ATP9B: variants seen among roughly 807,000 people sequenced by gnomAD.
The protein encoded by ATP9B is ATPase phospholipid transporting 9B, also known as probable phospholipid-transporting ATPase IIB.
In ATP9B, 110 loss-of-function variants were observed where a neutral mutation model predicts 146.1. That is an observed-to-expected ratio of 0.75 (90% CI 0.65 to 0.88). The LOEUF is 0.88. Among genes scored for constraint, ATP9B ranks in the 40% least tolerant of loss-of-function variants. The pLI, the probability that ATP9B is intolerant of heterozygous loss-of-function variation, is 0.00. For missense variants in ATP9B, 1,499 were observed against 1,496.4 expected (o/e 1.00, Z -0.03); for synonymous variants, 604 against 569.7 (o/e 1.06, Z -0.86).
intron 12 of ATP9B, among the ~76,000 whole-genome samples, chr18:79,269,317 A>G (rs2096234012): frequency 6.6e-6 from 1 of 152,106 alleles, no homozygotes; most frequent in Non-Finnish European, 1.5e-5. Flanking sequence ...TTCATTTTGT[A>G]TCATCCTCAC....
intron 8 of ATP9B, among the ~76,000 whole-genome samples, chr18:79,178,671 A>G (rs894379023): frequency 6.6e-6 from 1 of 152,050 alleles, no homozygotes; most frequent in African/African-American, 2.4e-5. Flanking sequence ...ATGTGGACTG[A>G]TTTCATATGT....
chr18:79,199,806 A>G (rs1482464286), intron 9 of ATP9B, among the ~76,000 whole-genome samples: 9 of 151,746 alleles, frequency 5.9e-5, no homozygotes, highest in Admixed American at 5.9e-4. Flanking sequence ...ACACACACAC[A>G]TTAGCCTAGG....
At chr18:79,185,927 C>G (rs1447140243) in intron 8 of ATP9B, among the ~76,000 whole-genome samples, 2 of 152,184 alleles carry the variant, frequency 1.3e-5, no homozygotes, top group African/African-American at 2.4e-5. Flanking sequence ...AACCTTTGTC[C>G]ATTCTGTTAT....
chr18:79,242,288 A>G (rs891249525), intron 11 of ATP9B, among the ~76,000 whole-genome samples: 2 of 152,232 alleles, frequency 1.3e-5, no homozygotes, highest in Admixed American at 6.5e-5. Flanking sequence ...GCACTAGCCT[A>G]TAGCACCATA....
In ATP9B at chr18:79,253,535, C is replaced by T. The variant is rs2145091826; in HGVS notation, c.1262C>T (p.Pro421Leu). Residue 421 changes from proline to leucine, a missense_variant, in exon 12 of 30, where the codon CCC (proline) becomes CTC (leucine). By Grantham distance (98) the Pro-to-Leu change is moderately conservative. Coordinates refer to ENST00000426216, the MANE Select transcript of ATP9B (RefSeq NM_198531.5). ...CTTCTCCTCTTTTCTTACATCATTCCCATAAGGTAAGTTTAAAAATGAAAA... is the reference window on the plus strand; with the variant it reads ...CTTCTCCTCTTTTCTTACATCATTCTCATAAGGTAAGTTTAAAAATGAAAA... Reference protein sequence around the residue: ...RFLLLFSYIIPISLRVNLDMG... With the variant: ...RFLLLFSYIILISLRVNLDMG... 1 of 1,580,538 alleles carries T rather than the reference C, an allele frequency of 6.3e-7. No homozygotes were observed. Among genetic ancestry groups the T allele is most frequent in the Middle Eastern group, 1.7e-4 (1 of 5,910 alleles).
chr18:79,345,651 A>G (rs2096882135), intron 22 of ATP9B, 79 bp downstream of exon 22: 4 of 1,596,894 alleles, frequency 2.5e-6, no homozygotes, highest in Non-Finnish European at 3.4e-6. Context: ...AGTTTGTTCC[A>G]TCTCTAAAAC....
At chr18:79,271,771 G>A (rs1247384637) in intron 12 of ATP9B, among the ~76,000 whole-genome samples, 4 of 152,090 alleles carry the variant, frequency 2.6e-5, no homozygotes, top group African/African-American at 7.2e-5. Flanking sequence ...GGATGGCTGG[G>A]TCAAATGGTA....
chr18:79,341,215 A>C (rs2096856565), intron 19 of ATP9B, among the ~76,000 whole-genome samples: 1 of 149,542 alleles, frequency 6.7e-6, no homozygotes, highest in Admixed American at 6.6e-5. Context: ...GACCTTGTCG[A>C]AGTCTGCATT....
chr18:79,201,077 A>G (rs560676501), intron 9 of ATP9B, among the ~76,000 whole-genome samples: 1 of 152,310 alleles, frequency 6.6e-6, no homozygotes, highest in African/African-American at 2.4e-5. Context: ...CCACTCAAAG[A>G]GAGAAACTTA....
intron 11 of ATP9B, among the ~76,000 whole-genome samples, chr18:79,237,211 C>T (rs2095849409): frequency 7.6e-6 from 1 of 132,036 alleles, no homozygotes; most frequent in African/African-American, 2.9e-5. Context: ...AGTGTCCACA[C>T]CTGCCCCTTC....
At position 79,266,376 on chromosome 18, in the gene ATP9B, T is replaced by A. The variant is rs181437769; in HGVS notation, c.1269-10678T>A. Among the ~76,000 whole-genome samples, 14 of 152,074 alleles carry A rather than the reference T, an allele frequency of 9.2e-5. No homozygotes were observed. In the East Asian group the frequency reaches 2.7e-3, roughly 29 times the overall value. Reference sequence around the variant, plus strand: ...ATTTATTAATCTAGGTGTATTAAATTTTTTCTATATATAATCATATCATCA... The same window carrying A: ...ATTTATTAATCTAGGTGTATTAAATATTTTCTATATATAATCATATCATCA... On this transcript the variant is annotated intron_variant, in intron 12 of 29. Transcript: ENST00000426216.
At position 79,359,408 on chromosome 18, in the gene ATP9B, C is replaced by G. The variant is rs377408016; in HGVS notation, c.2958C>G (p.Asp986Glu). The G allele has an allele frequency of 4.3e-6, 7 of 1,614,060 alleles. No homozygotes were observed. Among genetic ancestry groups the G allele is most frequent in the Non-Finnish European group, 5.9e-6 (7 of 1,179,952 alleles). ...TGTTCTCCTTAGTGCTGGACCAGGACGTGAAGCCAGAGATGGCGATGCTCT... is the reference window on the plus strand; with the variant it reads ...TGTTCTCCTTAGTGCTGGACCAGGAGGTGAAGCCAGAGATGGCGATGCTCT... ...FPVFSLVLDQ[D>E]VKPEMAMLYP... Residue 986 changes from aspartate to glutamate, a missense_variant, in exon 26 of 30, where the codon GAC becomes GAG. Coordinates refer to ENST00000426216, the MANE Select transcript of ATP9B (RefSeq NM_198531.5).
At chr18:79,315,454 C>T (rs1349193188) in intron 15 of ATP9B, among the ~76,000 whole-genome samples, 5 of 152,042 alleles carry the variant, frequency 3.3e-5, no homozygotes, top group Non-Finnish European at 7.4e-5. Context: ...GTTAATAATT[C>T]CATTAAAATA....
In ATP9B at chr18:79,375,308, T is replaced by G. The variant is rs577921166; in HGVS notation, c.3275-86T>G. The G allele has an allele frequency of 3.0e-4, 379 of 1,247,126 alleles. No homozygotes were observed. The highest frequency in any genetic ancestry group is 5.7e-4 in the Middle Eastern group (3 of 5,218). 77.3% of individuals were successfully genotyped at this position (1,247,126 alleles called of 1,614,324 possible). ...TGCCATTTTATTGCTTTTTAATGTATTTCTTATTCTTTTGCTAACCCCTTG... is the reference window on the plus strand; with the variant it reads ...TGCCATTTTATTGCTTTTTAATGTAGTTCTTATTCTTTTGCTAACCCCTTG... On this transcript the variant is annotated intron_variant, in intron 28 of 29. Coordinates refer to ENST00000426216, the MANE Select transcript of ATP9B (RefSeq NM_198531.5).
intron 1 of ATP9B, among the ~76,000 whole-genome samples, chr18:79,074,845 A>G (rs2072410022): frequency 6.6e-6 from 1 of 152,216 alleles, no homozygotes; most frequent in Non-Finnish European, 1.5e-5. Flanking sequence ...GTGCTTCTAC[A>G]TTATTTTCTG....
At chr18:79,196,393 G>A (rs889138282) in intron 9 of ATP9B, among the ~76,000 whole-genome samples, 2 of 152,194 alleles carry the variant, frequency 1.3e-5, no homozygotes, top group Admixed American at 1.3e-4. Flanking sequence ...AGTGGAGGGA[G>A]GATGGGTGGA....
At chr18:79,258,485 T>C (rs1241249093) in intron 12 of ATP9B, among the ~76,000 whole-genome samples, 1 of 152,214 alleles carries the variant, frequency 6.6e-6, no homozygotes, top group Non-Finnish European at 1.5e-5. Context: ...GTAATCCTGC[T>C]GTCTCCACTT....
intron 7 of ATP9B, among the ~76,000 whole-genome samples, chr18:79,164,052 G>C (rs1162231157): frequency 6.6e-6 from 1 of 151,996 alleles, no homozygotes; most frequent in African/African-American, 2.4e-5. Flanking sequence ...CCGAGTAGCT[G>C]GGACTACAGG....
intron 5 of ATP9B, among the ~76,000 whole-genome samples, chr18:79,141,953 TG>T (rs1411735473): frequency 1.3e-5 from 2 of 152,244 alleles, no homozygotes; most frequent in Admixed American, 1.3e-4. Flanking sequence ...AAATGTTCTT[TG>T]GCAAAGAGGA....
Sources: allele counts gnomAD v4.1 joint callset (sites outside exome capture counted in the v4.1 genomes callset), GRCh38; gene constraint gnomAD v4.1.1; transcripts MANE v1.5; gene names NCBI Gene and HGNC (gene_info 2026-07-23, HGNC 2026-07-21).